PSEN1: variants seen among roughly 807,000 people sequenced by gnomAD.
The protein encoded by PSEN1 is presenilin-1.
Under a neutral mutation model 53.5 loss-of-function variants are expected in PSEN1, and 15 were observed. The ratio of observed to expected loss-of-function variants is 0.28; its 90% CI spans 0.19 to 0.43. The LOEUF (loss-of-function observed/expected upper bound fraction) is 0.43, where lower values mean the gene tolerates loss of function less well. PSEN1 is among the 20% of genes least tolerant of loss of function. PSEN1 has a pLI of 1.00. For missense variants in PSEN1, 387 were observed against 571.2 expected, an observed-to-expected ratio of 0.68 and a Z score of 3.29; for synonymous variants, 208 against 209.8, an observed-to-expected ratio of 0.99 and a Z score of 0.08.
rs898450996 is a variant in PSEN1, at chr14:73,222,896, C to G, written c.*3607C>G. 6 of 152,210 alleles carry G rather than the reference C, an allele frequency of 3.9e-5. No homozygotes were observed. The highest frequency in any genetic ancestry group is 9.6e-5 in the African/African-American group (4 of 41,458). 9.4% of individuals were successfully genotyped at this position (152,210 alleles called of 1,614,324 possible). A position where few individuals can be genotyped will look rare whatever the true frequency, so the allele number is the denominator to read the frequency against. On this transcript the variant is annotated 3_prime_UTR_variant, in exon 12 of 12. Coordinates refer to ENST00000324501, the MANE Select transcript of PSEN1 (RefSeq NM_000021.4). ...CCTGCCCTTCTCCTCACCTCCTCAC[C>G]TGCCTTCCAACATTGAATTTGGAAG...
At chr14:73,166,070 T>A (rs1223860243) in intron 3 of PSEN1, among the ~76,000 whole-genome samples, 3 of 150,348 alleles carry the variant, frequency 2.0e-5, no homozygotes, top group Non-Finnish European at 3.0e-5. Flanking sequence ...ATAATAATAA[T>A]AAAATAAAAA....
chr14:73,218,730 G>C (rs1252862303), intron 11 of PSEN1, among the ~76,000 whole-genome samples: 1 of 125,612 alleles, frequency 8.0e-6, no homozygotes, highest in African/African-American at 3.1e-5. Flanking sequence ...GAATGCCCCC[G>C]CACAGCATAG....
At chr14:73,212,100 T>TTTTTTC (rs1159341047) in intron 10 of PSEN1, among the ~76,000 whole-genome samples, 158 bp downstream of exon 10, 35 of 60,364 alleles carry the variant, frequency 5.8e-4, no homozygotes, top group African/African-American at 3.3e-3. Context: ...TTTTTTTTTT[T>TTTTTTC]TTTTTTTTTT....
At chr14:73,154,361 G>GCCT (rs1275497270) in intron 3 of PSEN1, among the ~76,000 whole-genome samples, 1 of 152,054 alleles carries the variant, frequency 6.6e-6, no homozygotes, top group Non-Finnish European at 1.5e-5. Flanking sequence ...ACTTTGGGAG[G>GCCT]CTGAGGCAGG....
intron 4 of PSEN1, among the ~76,000 whole-genome samples, chr14:73,172,459 A>G (rs78782780): frequency 6.6e-6 from 1 of 152,254 alleles, no homozygotes; most frequent in African/African-American, 2.4e-5. Flanking sequence ...TTGGCAAGCT[A>G]CAGCCACAGG....
chr14:73,211,875 A>G lies in PSEN1; in HGVS notation c.1062A>G (p.Thr354=). 1 of 1,613,942 alleles carries G rather than the reference A, an allele frequency of 6.2e-7. No individual in the cohort carries two copies. The highest frequency in any genetic ancestry group is 8.5e-7 in the Non-Finnish European group (1 of 1,179,990). Residue 354 remains threonine (T), a synonymous_variant, in exon 10 of 12, where the codon ACA becomes ACG. Coordinates refer to ENST00000324501, the MANE Select transcript of PSEN1 (RefSeq NM_000021.4). The part of the protein sequence containing the change: ...RDSHLGPHRS[T]PESRAAVQEL... ...GTCATCTAGGGCCTCATCGCTCTAC[A>G]CCTGAGTCACGAGCTGCTGTCCAGG...
At chr14:73,170,005 C>T (rs923223511) in intron 3 of PSEN1, among the ~76,000 whole-genome samples, 2 of 152,142 alleles carry the variant, frequency 1.3e-5, no homozygotes, top group African/African-American at 2.4e-5. Context: ...GGGCAATTCC[C>T]GGAACTGAGG....
chr14:73,175,265 T>TA (rs1898014518), intron 5 of PSEN1, among the ~76,000 whole-genome samples: 1 of 152,164 alleles, frequency 6.6e-6, no homozygotes, highest in Non-Finnish European at 1.5e-5. Flanking sequence ...TAGCTGGGAT[T>TA]ACAGGCGCCT....
chr14:73,139,919 C>G (rs1382605358), intron 1 of PSEN1, among the ~76,000 whole-genome samples: 1 of 152,052 alleles, frequency 6.6e-6, no homozygotes, highest in Non-Finnish European at 1.5e-5. Context: ...TTAAGTTGAT[C>G]AAAGCAAAAG....
At chr14:73,200,825 C>A (rs368643965) in intron 8 of PSEN1, among the ~76,000 whole-genome samples, 1 of 151,784 alleles carries the variant, frequency 6.6e-6, no homozygotes, top group Non-Finnish European at 1.5e-5. Flanking sequence ...CCTAGGTGGG[C>A]GGATCACTTG....
rs886050672 is a variant in PSEN1, at chr14:73,221,081, T to A, written c.*1792T>A. 1.3e-5 allele frequency: 2 copies of A among 152,238 alleles called. No homozygotes were observed. Among genetic ancestry groups the A allele is most frequent in the Admixed American group, 1.3e-4 (2 of 15,286 alleles). The allele number at this position is 152,238 out of a possible 1,614,324, so 9.4% of individuals were successfully genotyped here. ...GTTTTCTGTCCCAGGATATTTCTTATAAGAACCTAACTTCAAGAGTAGTGT... is the reference window on the plus strand; with the variant it reads ...GTTTTCTGTCCCAGGATATTTCTTAAAAGAACCTAACTTCAAGAGTAGTGT... On this transcript the variant is annotated 3_prime_UTR_variant, in exon 12 of 12. Coordinates refer to ENST00000324501, the MANE Select transcript of PSEN1 (RefSeq NM_000021.4).
At chr14:73,139,009 C>T (rs1235374555) in intron 1 of PSEN1, among the ~76,000 whole-genome samples, 2 of 151,116 alleles carry the variant, frequency 1.3e-5, no homozygotes, top group Non-Finnish European at 2.9e-5. Flanking sequence ...GGTGGCCGGG[C>T]GCAGCGGCTC....
At chr14:73,216,169 A>G (rs949045453) in intron 10 of PSEN1, among the ~76,000 whole-genome samples, 1 of 152,212 alleles carries the variant, frequency 6.6e-6, no homozygotes, top group African/African-American at 2.4e-5. Context: ...AAAACATTAT[A>G]TTAAGTAAAA....
intron 11 of PSEN1, 129 bp from the exon 12 acceptor site, chr14:73,219,005 T>G: frequency 2.0e-6 from 2 of 1,018,090 alleles, no homozygotes; most frequent in South Asian, 2.6e-5. Context: ...GAACGTCTGT[T>G]CTAAAATTTA....
At position 73,219,018 on chromosome 14, in the gene PSEN1, C is replaced by A. The variant is rs1900041877; in HGVS notation, c.1249-116C>A. On this transcript the variant is annotated intron_variant, in intron 11 of 11. Coordinates refer to ENST00000324501, the MANE Select transcript of PSEN1 (RefSeq NM_000021.4). ...ATGAACGTCTGTTCTAAAATTTAAC[C>A]CCAAAAGGAAAATATTCAGTTAACT... 4.3e-6 allele frequency: 5 copies of A among 1,170,650 alleles called. No individual in the cohort carries two copies. The South Asian group carries it at 6.3e-5, about 15-fold the overall frequency. 72.5% of individuals were successfully genotyped at this position (1,170,650 alleles called of 1,614,324 possible). A position where few individuals can be genotyped will look rare whatever the true frequency, so the allele number is the denominator to read the frequency against.
chr14:73,175,512 A>C (rs1296547201), intron 5 of PSEN1, among the ~76,000 whole-genome samples: 1 of 152,002 alleles, frequency 6.6e-6, no homozygotes, highest in African/African-American at 2.4e-5. Context: ...CAAATGTAGG[A>C]GTCTACTCTG....
Position 73,147,201 on chromosome 14 carries a change from G to A in PSEN1, c.-135-594G>A, listed in dbSNP as rs561413591. Among the ~76,000 whole-genome samples, 170 of 152,244 alleles carry A rather than the reference G, an allele frequency of 1.1e-3. 4 individuals are homozygous for A. In the South Asian group the frequency reaches 0.03, roughly 27 times the overall value. On this transcript the variant is annotated intron_variant, in intron 1 of 11. Transcript: ENST00000324501. ...GGGTTTCGCCATGTTGGTCAGGCTGGTTTCGAACTCCTGACCTCGTGATCC... is the reference window on the plus strand; with the variant it reads ...GGGTTTCGCCATGTTGGTCAGGCTGATTTCGAACTCCTGACCTCGTGATCC...
chr14:73,199,239 A>G (rs1899080116), intron 8 of PSEN1, among the ~76,000 whole-genome samples: 1 of 152,244 alleles, frequency 6.6e-6, no homozygotes, highest in African/African-American at 2.4e-5. Context: ...AGAGACTTGA[A>G]GAACATTAGC....
At chr14:73,180,391 A>T (rs746365175) in intron 5 of PSEN1, among the ~76,000 whole-genome samples, 1 of 152,212 alleles carries the variant, frequency 6.6e-6, no homozygotes, top group Non-Finnish European at 1.5e-5. Context: ...CTTAGCACAC[A>T]CAAACAATTA....
Sources: allele counts gnomAD v4.1 joint callset (sites outside exome capture counted in the v4.1 genomes callset), GRCh38; gene constraint gnomAD v4.1.1; transcripts MANE v1.5; gene names NCBI Gene and HGNC (gene_info 2026-07-23, HGNC 2026-07-21).